Variants in TENM3 observed in about 807,000 individuals in gnomAD.
TENM3 encodes teneurin transmembrane protein 3.
A neutral mutation model predicts 255.1 loss-of-function variants in TENM3; 63 were observed. The observed-to-expected ratio is 0.25, with a 90% CI of 0.20 to 0.30. The LOEUF is 0.30. Ranked by LOEUF, TENM3 falls within the 10% of genes least tolerant of loss-of-function variation. The pLI is 1.00. For synonymous variants in TENM3, 1,306 were observed against 1,322.3 expected, an observed-to-expected ratio of 0.99 and a Z score of 0.27; for missense variants, 2,929 against 3,461.1, an observed-to-expected ratio of 0.85 and a Z score of 3.86.
intron 6 of TENM3, among the ~76,000 whole-genome samples, chr4:182,657,486 C>G (rs538382496): frequency 6.6e-5 from 10 of 152,242 alleles, no homozygotes; most frequent in African/African-American, 2.2e-4. Context: ...TGCGGGGGTC[C>G]TCTTGATCCC....
At chr4:182,603,346 AC>A (rs1375344149) in intron 4 of TENM3, among the ~76,000 whole-genome samples, 1 of 152,192 alleles carries the variant, frequency 6.6e-6, no homozygotes, top group Non-Finnish European at 1.5e-5. Flanking sequence ...ATATGATCTC[AC>A]TAATAAATAT....
chr4:182,582,222 C>T (rs1054792207), intron 3 of TENM3, among the ~76,000 whole-genome samples: 1 of 152,130 alleles, frequency 6.6e-6, no homozygotes, highest in African/African-American at 2.4e-5. Context: ...ACGGTACTGC[C>T]TTAATACGAA....
chr4:182,608,959 C>CTGTA (rs1748707893), intron 4 of TENM3, among the ~76,000 whole-genome samples: 1 of 152,166 alleles, frequency 6.6e-6, no homozygotes, highest in African/African-American at 2.4e-5. Context: ...GTGGAACCTA[C>CTGTA]TGTAGGTAGT....
chr4:182,558,326 C>T (rs894426796), intron 3 of TENM3, among the ~76,000 whole-genome samples: 11 of 152,164 alleles, frequency 7.2e-5, no homozygotes, highest in Admixed American at 2.0e-4. Context: ...ATGAGATGCA[C>T]AACATGGGGT....
At chr4:182,453,588 T>G (rs985825890) in intron 3 of TENM3, among the ~76,000 whole-genome samples, 2 of 152,200 alleles carry the variant, frequency 1.3e-5, no homozygotes, top group African/African-American at 2.4e-5. Context: ...TTTAGTCTTT[T>G]GTGGTTATAT....
chr4:182,589,987 CA>C (rs1210020093), intron 3 of TENM3, among the ~76,000 whole-genome samples: 1 of 151,936 alleles, frequency 6.6e-6, no homozygotes, highest in African/African-American at 2.4e-5. Flanking sequence ...CAAACAAAAA[CA>C]AAAACAAAAA....
At chr4:181,842,293 C>T in the TENM3 span, among the ~76,000 whole-genome samples, 41 of 152,242 alleles carry the variant, frequency 2.7e-4, 1 homozygote, top group South Asian at 1.0e-3. Context: ...TACTGTTACT[C>T]TTTTACCAGT....
chr4:182,507,024 G>C (rs1304349525), intron 3 of TENM3, among the ~76,000 whole-genome samples: 1 of 152,066 alleles, frequency 6.6e-6, no homozygotes, highest in African/African-American at 2.4e-5. Flanking sequence ...TTTGAAGTCA[G>C]GTTGCATACT....
the TENM3 span, among the ~76,000 whole-genome samples, chr4:182,054,067 T>C: frequency 0.093 from 14,111 of 152,216 alleles, 717 homozygotes; most frequent in East Asian, 0.15. Flanking sequence ...ATAAAATCAA[T>C]AGCCCAGCAT....
intron 22 of TENM3, among the ~76,000 whole-genome samples, chr4:182,772,240 C>T (rs1764299260): frequency 6.6e-6 from 1 of 152,094 alleles, no homozygotes; most frequent in South Asian, 2.1e-4. Context: ...ACAAACAAAA[C>T]ACCTCTATCC....
chr4:182,563,285 C>G (rs1743403590), intron 3 of TENM3, among the ~76,000 whole-genome samples: 2 of 152,010 alleles, frequency 1.3e-5, no homozygotes, highest in African/African-American at 2.4e-5. Context: ...CAAAAATTAG[C>G]CAGGTATGAT....
chr4:182,625,416 C>T (rs185330328), intron 4 of TENM3, among the ~76,000 whole-genome samples: 10 of 152,196 alleles, frequency 6.6e-5, no homozygotes, highest in Middle Eastern at 3.4e-3. Context: ...TGTGAGGGAT[C>T]GAGGTTGTGC....
At chr4:182,717,494 C>CA (rs1277547837) in intron 13 of TENM3, among the ~76,000 whole-genome samples, 1 of 152,174 alleles carries the variant, frequency 6.6e-6, no homozygotes, top group Non-Finnish European at 1.5e-5. Context: ...CAAAGGTCTC[C>CA]ACTCTCTATG....
intron 1 of TENM3, among the ~76,000 whole-genome samples, chr4:182,162,870 A>G (rs1464915660): frequency 6.6e-6 from 1 of 152,184 alleles, no homozygotes; most frequent in Non-Finnish European, 1.5e-5. Context: ...ATTCCCGTCG[A>G]AAGGCCCCTC....
chr4:181,517,689 T>C, the TENM3 span, among the ~76,000 whole-genome samples: 1 of 152,360 alleles, frequency 6.6e-6, no homozygotes, highest in South Asian at 2.1e-4. Context: ...ATAATAGTGC[T>C]GATGTCTGAA....
chr4:182,217,871 G>A (rs1459481480), intron 1 of TENM3, among the ~76,000 whole-genome samples: 1 of 152,104 alleles, frequency 6.6e-6, no homozygotes, highest in Admixed American at 6.5e-5. Flanking sequence ...AAAAAGAAAG[G>A]TATTCTGCCT....
chr4:182,478,760 T>C (rs1249358022), intron 3 of TENM3, among the ~76,000 whole-genome samples: 2 of 152,056 alleles, frequency 1.3e-5, no homozygotes, highest in Non-Finnish European at 2.9e-5. Context: ...TAAATTTATC[T>C]TCAAATCTTT....
chr4:181,819,358 G>A, the TENM3 span, among the ~76,000 whole-genome samples: 47 of 152,206 alleles, frequency 3.1e-4, no homozygotes, highest in African/African-American at 1.1e-3. Flanking sequence ...AAGAATAAAA[G>A]TAATAAAAAT....
chr4:182,232,662 C>T (rs935085309), intron 1 of TENM3, among the ~76,000 whole-genome samples: 2 of 152,012 alleles, frequency 1.3e-5, no homozygotes, highest in African/African-American at 2.4e-5. Context: ...CGCCACTGCA[C>T]TCCAGCCTGG....
Sources: allele counts gnomAD v4.1 joint callset (sites outside exome capture counted in the v4.1 genomes callset), GRCh38; gene constraint gnomAD v4.1.1; transcripts MANE v1.5; gene names NCBI Gene and HGNC (gene_info 2026-07-23, HGNC 2026-07-21).